The following STXBP4 variants were observed in gnomAD, a reference collection of about 807,000 sequenced individuals.
STXBP4 encodes syntaxin-binding protein 4.
STXBP4 carries 55 observed loss-of-function variants against 76.1 expected under a neutral mutation model. The ratio of observed to expected loss-of-function variants is 0.72; its 90% CI spans 0.58 to 0.91. The LOEUF is 0.91. STXBP4 is among the 40% of genes least tolerant of loss of function. STXBP4 has a pLI of 0.00. For synonymous variants in STXBP4, 201 were observed against 220.2 expected (o/e 0.91, Z 0.77); for missense variants, 618 against 636.9 (o/e 0.97, Z 0.32).
chr17:54,992,945 T>C (rs2144423766), intron 4 of STXBP4, among the ~76,000 whole-genome samples: 1 of 152,200 alleles, frequency 6.6e-6, no homozygotes, highest in East Asian at 1.9e-4. Flanking sequence ...ACTCCCAACC[T>C]CAGGCGATCC....
intron 16 of STXBP4, among the ~76,000 whole-genome samples, chr17:55,124,441 G>A (rs77083323): frequency 0.051 from 7,735 of 152,252 alleles, 357 homozygotes; most frequent in Non-Finnish European, 0.062. Flanking sequence ...ATAAGGTAGG[G>A]AATACAATGA....
At chr17:55,043,365 A>C (rs1472314633) in intron 11 of STXBP4, 40 bp downstream of exon 11, 2 of 1,170,336 alleles carry the variant, frequency 1.7e-6, no homozygotes, top group East Asian at 5.4e-5. Context: ...TCTTCAGAAA[A>C]AAAAGAAAAA....
chr17:55,173,754 AG>A (rs1232582629), downstream of STXBP4: 1 of 152,260 alleles, frequency 6.6e-6, no homozygotes, highest in African/African-American at 2.4e-5. Flanking sequence ...ACATGAATTT[AG>A]TGACTTAAGC....
chr17:54,977,286 G>T (rs1165001204), intron 1 of STXBP4, among the ~76,000 whole-genome samples: 1 of 152,144 alleles, frequency 6.6e-6, no homozygotes, highest in Admixed American at 6.5e-5. Context: ...AGTATCCGCA[G>T]GTTCCACATA....
At chr17:54,984,938 A>G (rs866717807) in intron 1 of STXBP4, among the ~76,000 whole-genome samples, 2 of 152,032 alleles carry the variant, frequency 1.3e-5, no homozygotes, top group African/African-American at 4.8e-5. Context: ...TTTTCATCCA[A>G]TGGCTCTTTT....
intron 16 of STXBP4, among the ~76,000 whole-genome samples, chr17:55,138,089 A>G (rs1310067437): frequency 6.6e-6 from 1 of 152,032 alleles, no homozygotes; most frequent in Non-Finnish European, 1.5e-5. Context: ...TTCTTTCTGC[A>G]TTAGGGAGTT....
At chr17:55,008,676 G>A (rs1489172918) in intron 8 of STXBP4, among the ~76,000 whole-genome samples, 3 of 152,164 alleles carry the variant, frequency 2.0e-5, no homozygotes, top group Admixed American at 2.0e-4. Flanking sequence ...GGGGAGCATA[G>A]CAAGGCCTGT....
At position 55,173,453 on chromosome 17, in the gene STXBP4, C is replaced by T. The variant is rs555001875; in HGVS notation, c.*13542C>T. 3 of 152,276 alleles carry T rather than the reference C, an allele frequency of 2.0e-5. No homozygotes were observed. The South Asian group carries it at 6.2e-4, about 32-fold the overall frequency. The allele number at this position is 152,276 out of a possible 1,614,324, so 9.4% of individuals were successfully genotyped here. A position where few individuals can be genotyped will look rare whatever the true frequency, so the allele number is the denominator to read the frequency against. On this transcript the variant is annotated 3_prime_UTR_variant, in exon 18 of 18. Transcript: ENST00000376352. ...ACATTCTGAGACAGGCTTCTTTCAC[C>T]CAGCATAATGCCTTTGAGATTCATC...
chr17:55,178,824 C>A, the STXBP4 span, among the ~76,000 whole-genome samples: 43 of 152,294 alleles, frequency 2.8e-4, no homozygotes, highest in East Asian at 8.1e-3. Flanking sequence ...CTTTCTTACT[C>A]AGCTTTTATT....
intron 12 of STXBP4, among the ~76,000 whole-genome samples, chr17:55,065,593 A>T (rs1252049067): frequency 6.6e-6 from 1 of 152,046 alleles, no homozygotes; most frequent in East Asian, 1.9e-4. Context: ...CCTTTTGTGT[A>T]ACCAGAATTG....
At chr17:55,110,978 C>T (rs1004038930) in intron 16 of STXBP4, among the ~76,000 whole-genome samples, 1 of 152,122 alleles carries the variant, frequency 6.6e-6, no homozygotes, top group Non-Finnish European at 1.5e-5. Flanking sequence ...GGAAACGTTG[C>T]CTGGCTAGCA....
chr17:55,068,572 G>A (rs2079081513), intron 12 of STXBP4, among the ~76,000 whole-genome samples: 1 of 152,080 alleles, frequency 6.6e-6, no homozygotes. Flanking sequence ...TCAAGAGCTG[G>A]TGTTACTAAT....
chr17:54,991,022 T>G, intron 4 of STXBP4, 65 bp downstream of exon 4: 2 of 1,430,072 alleles, frequency 1.4e-6, no homozygotes, highest in Non-Finnish European at 1.8e-6. Context: ...TAAAGTTTAT[T>G]TTTTCTTCTT....
At chr17:55,043,710 G>A (rs1177478034) in intron 11 of STXBP4, 1 of 1,472,470 alleles carries the variant, frequency 6.8e-7, no homozygotes, top group Non-Finnish European at 9.2e-7. Context: ...CATGTGCAGG[G>A]CTATTCTTAA....
Position 55,165,493 on chromosome 17 carries a change from C to A in STXBP4, c.*5582C>A, listed in dbSNP as rs1229622884. ...GGAGGATTAGATTGATTTCTGTGAA[C>A]CCAAAAGGATCACAGGAGTAGCAAT... On this transcript the variant is annotated 3_prime_UTR_variant, in exon 18 of 18. Transcript: ENST00000376352. 1 of 152,116 alleles carries A rather than the reference C, an allele frequency of 6.6e-6. No individual in the cohort carries two copies. Among genetic ancestry groups the A allele is most frequent in the African/African-American group, 2.4e-5 (1 of 41,378 alleles). The allele number at this position is 152,116 out of a possible 1,614,324, so 9.4% of individuals were successfully genotyped here. A position where few individuals can be genotyped will look rare whatever the true frequency, so the allele number is the denominator to read the frequency against.
chr17:54,978,327 A>T (rs755849864), intron 1 of STXBP4, among the ~76,000 whole-genome samples: 3 of 152,038 alleles, frequency 2.0e-5, no homozygotes, highest in African/African-American at 4.8e-5. Context: ...CCAATGCAAT[A>T]AAAAAAACAT....
rs2079777742 is a variant in STXBP4 at position 55,116,134 on chromosome 17, T to C, written c.1490-25176T>C. 2.0e-5 allele frequency among the ~76,000 whole-genome samples: 3 copies of C among 151,932 alleles called. No homozygotes were observed. In the South Asian group the frequency reaches 6.2e-4, roughly 31 times the overall value. On this transcript the variant is annotated intron_variant, in intron 16 of 17. Coordinates refer to ENST00000376352, the MANE Select transcript of STXBP4 (RefSeq NM_178509.6). ...TGAAAAGCTTAATGAAACATACACA[T>C]TTATAAACATATATTTTTAATACTC...
intron 10 of STXBP4, among the ~76,000 whole-genome samples, chr17:55,042,654 T>G (rs552608398): frequency 1.3e-5 from 2 of 152,278 alleles, no homozygotes; most frequent in Admixed American, 6.5e-5. Context: ...GTACGAGATA[T>G]GGTCATCTCT....
At chr17:55,155,271 T>C (rs2080264495) in intron 17 of STXBP4, among the ~76,000 whole-genome samples, 1 of 152,126 alleles carries the variant, frequency 6.6e-6, no homozygotes, top group African/African-American at 2.4e-5. Context: ...GTTTGGTTAC[T>C]TTTTAATAAT....
Sources: gnomAD v4.1 joint callset for allele counts (sites outside exome capture counted in the v4.1 genomes callset) on GRCh38, gnomAD v4.1.1 for gene constraint, MANE v1.5 for transcripts, NCBI Gene and HGNC (gene_info 2026-07-23, HGNC 2026-07-21) for gene names.